Variants in RMP64 observed in about 807,000 individuals in gnomAD.
RMP64 encodes nucleolus and neural progenitor protein.
chr3:113,004,030 A>G, the RMP64 span: 1 of 152,228 alleles, frequency 6.6e-6, no homozygotes, highest in African/African-American at 2.4e-5. Flanking sequence ...GGTAAAGGAT[A>G]TTCATTGAAC....
At chr3:113,006,792 G>A in the RMP64 span, among the ~76,000 whole-genome samples, 3 of 152,178 alleles carry the variant, frequency 2.0e-5, no homozygotes, top group Non-Finnish European at 4.4e-5. Flanking sequence ...GGGAGAAGGT[G>A]GGTGTACTTC....
chr3:113,009,289 C>T, the RMP64 span, among the ~76,000 whole-genome samples: 1 of 151,612 alleles, frequency 6.6e-6, no homozygotes, highest in Non-Finnish European at 1.5e-5. Context: ...TCAAAGCTTA[C>T]CTTCTTCCAA....
the RMP64 span, chr3:113,005,964 T>G: frequency 1.2e-6 from 2 of 1,613,644 alleles, no homozygotes; most frequent in Non-Finnish European, 1.7e-6. Context: ...AGAAGGTGGT[T>G]GCAAATAGAC....
chr3:113,017,092 T>C, the RMP64 span, among the ~76,000 whole-genome samples: 1 of 152,360 alleles, frequency 6.6e-6, no homozygotes, highest in South Asian at 2.1e-4. Context: ...CCCAGGGAAC[T>C]GTTTCTTAAT....
chr3:113,012,998 A>G, the RMP64 span: 508,524 of 608,836 alleles, frequency 0.84, 213,128 homozygotes, highest in African/African-American at 0.87. Context: ...TAGAGTTCCC[A>G]TTATTAAATT....
the RMP64 span, among the ~76,000 whole-genome samples, chr3:113,006,258 T>G: frequency 6.6e-6 from 1 of 152,184 alleles, no homozygotes; most frequent in South Asian, 2.1e-4. Flanking sequence ...CGCCTAGCAA[T>G]TAGCTGAATG....
At chr3:113,006,165 G>GT in the RMP64 span, among the ~76,000 whole-genome samples, 1 of 152,164 alleles carries the variant, frequency 6.6e-6, no homozygotes, top group East Asian at 1.9e-4. Context: ...CCCCAAGTCT[G>GT]TTTTTTGAGA....
chr3:113,015,741 A>T, the RMP64 span, among the ~76,000 whole-genome samples: 10 of 152,028 alleles, frequency 6.6e-5, no homozygotes, highest in Admixed American at 5.2e-4. Flanking sequence ...AGCATAAAAC[A>T]TGTTTCCTAC....
At chr3:113,014,373 T>TC in the RMP64 span, 6 of 190,936 alleles carry the variant, frequency 3.1e-5, no homozygotes, top group East Asian at 1.6e-4. Context: ...TTTTTTTTTT[T>TC]CAGATGGAGT....
the RMP64 span, among the ~76,000 whole-genome samples, chr3:113,017,012 C>A: frequency 1.3e-5 from 2 of 152,162 alleles, no homozygotes; most frequent in African/African-American, 4.8e-5. Context: ...TAACATACCA[C>A]CAATTAGATT....
chr3:113,012,725 TG>T, the RMP64 span: 1 of 1,489,162 alleles, frequency 6.7e-7, no homozygotes, highest in Non-Finnish European at 9.4e-7. Context: ...GTCAGAGGTA[TG>T]TACATACCAT....
chr3:113,014,179 G>C, the RMP64 span: 1 of 573,286 alleles, frequency 1.7e-6, no homozygotes, highest in African/African-American at 1.9e-5. Flanking sequence ...TCAGGGTAGA[G>C]AAATCCAAAG....
chr3:113,011,285 C>T, the RMP64 span: 23 of 1,613,432 alleles, frequency 1.4e-5, no homozygotes, highest in Non-Finnish European at 1.7e-6. Flanking sequence ...TCAGTGATAT[C>T]AGAAGGAAAG....
At chr3:113,005,904 ATCT>A in the RMP64 span, 2 of 1,613,744 alleles carry the variant, frequency 1.2e-6, no homozygotes, top group Admixed American at 1.7e-5. Flanking sequence ...TTATTCTGTG[ATCT>A]TCTCTGTCTC....
At chr3:113,007,201 C>T in the RMP64 span, among the ~76,000 whole-genome samples, 14 of 152,128 alleles carry the variant, frequency 9.2e-5, no homozygotes, top group African/African-American at 2.9e-4. Flanking sequence ...TTAGAGGAGC[C>T]ATCTCAATGT....
chr3:113,004,810 G>C, the RMP64 span: 2 of 152,070 alleles, frequency 1.3e-5, no homozygotes, highest in East Asian at 3.8e-4. Flanking sequence ...TCATCTACCT[G>C]TTATCCTATT....
the RMP64 span, chr3:113,011,170 T>C: frequency 1.2e-6 from 2 of 1,613,504 alleles, no homozygotes; most frequent in East Asian, 2.2e-5. Context: ...TGGTGACTGC[T>C]CATTTATTAA....
the RMP64 span, chr3:113,012,582 A>G: frequency 3.9e-6 from 2 of 508,278 alleles, no homozygotes; most frequent in Non-Finnish European, 6.9e-6. Flanking sequence ...CGGCTTCCCA[A>G]TCTACCCTCA....
At chr3:113,012,960 C>CT in the RMP64 span, 3 of 626,466 alleles carry the variant, frequency 4.8e-6, no homozygotes, top group Non-Finnish European at 8.4e-6. Flanking sequence ...GAATTTAAAA[C>CT]TTTAAAATAT....
Sources: gnomAD v4.1 joint callset for allele counts (sites outside exome capture counted in the v4.1 genomes callset) on GRCh38, gnomAD v4.1.1 for gene constraint, MANE v1.5 for transcripts, NCBI Gene and HGNC (gene_info 2026-07-23, HGNC 2026-07-21) for gene names.